Variants in TENM4 observed in about 807,000 individuals in gnomAD.
TENM4 encodes the protein teneurin transmembrane protein 4.
Under a neutral mutation model 243.3 loss-of-function variants are expected in TENM4, and 82 were observed. That is an observed-to-expected ratio of 0.34 (90% CI 0.28 to 0.40). TENM4 has a LOEUF of 0.40. TENM4 is among the 10% of genes least tolerant of loss of function. The pLI is 1.00. For missense variants in TENM4, 3,138 were observed against 3,673.3 expected (o/e 0.85, Z 3.77); for synonymous variants, 1,412 against 1,456.3 (o/e 0.97, Z 0.69).
chr11:78,948,288 C>T (rs916036167), intron 6 of TENM4, among the ~76,000 whole-genome samples: 2 of 152,126 alleles, frequency 1.3e-5, no homozygotes, highest in African/African-American at 4.8e-5. Context: ...ATCATCTAAC[C>T]ACAATATGAC....
At chr11:79,135,739 C>T (rs1160192949) in intron 4 of TENM4, among the ~76,000 whole-genome samples, 2 of 135,900 alleles carry the variant, frequency 1.5e-5, no homozygotes, top group African/African-American at 5.4e-5. Flanking sequence ...ATGATATATA[C>T]ATCATATATA....
At chr11:79,317,742 T>C (rs1208240923) in intron 1 of TENM4, among the ~76,000 whole-genome samples, 1 of 152,114 alleles carries the variant, frequency 6.6e-6, no homozygotes, top group Non-Finnish European at 1.5e-5. Context: ...TGAACTGCCT[T>C]TCTGCCTTAG....
chr11:79,264,489 C>A (rs1010091135), intron 2 of TENM4, among the ~76,000 whole-genome samples: 5 of 152,128 alleles, frequency 3.3e-5, no homozygotes, highest in African/African-American at 1.2e-4. Context: ...AACGGATTCC[C>A]GTCCCCCTGC....
chr11:78,685,486 TC>T, intron 29 of TENM4, among the ~76,000 whole-genome samples: 1 of 152,340 alleles, frequency 6.6e-6, no homozygotes, highest in Middle Eastern at 3.4e-3. Flanking sequence ...AAGTGATTTT[TC>T]TTTTCATATT....
intron 6 of TENM4, among the ~76,000 whole-genome samples, chr11:78,966,212 G>T (rs1031412733): frequency 1.5e-5 from 2 of 132,712 alleles, no homozygotes; most frequent in African/African-American, 5.6e-5. Flanking sequence ...AAAAAAAAAA[G>T]AAAGAAAAGA....
chr11:78,716,491 T>G (rs1354084508), intron 25 of TENM4, among the ~76,000 whole-genome samples: 1 of 152,226 alleles, frequency 6.6e-6, no homozygotes, highest in Non-Finnish European at 1.5e-5. Context: ...TGAACTGGGC[T>G]GATGCAGAAT....
At chr11:78,833,077 TC>T (rs1292901456) in intron 12 of TENM4, among the ~76,000 whole-genome samples, 1 of 152,204 alleles carries the variant, frequency 6.6e-6, no homozygotes, top group Non-Finnish European at 1.5e-5. Context: ...TACCGCTGCC[TC>T]CAATGCACAT....
chr11:79,215,372 G>A (rs953415827), intron 3 of TENM4, among the ~76,000 whole-genome samples: 1 of 152,120 alleles, frequency 6.6e-6, no homozygotes, highest in Non-Finnish European at 1.5e-5. Context: ...TCCCCACTGT[G>A]CCTCTGATCT....
At chr11:78,723,066 C>A (rs76368382) in intron 23 of TENM4, 149 bp from the exon 24 acceptor site, 11 of 1,014,602 alleles carry the variant, frequency 1.1e-5, no homozygotes, top group South Asian at 3.3e-5. Flanking sequence ...GCCTCACCCC[C>A]CCAATGGAAC....
At chr11:78,894,974 G>A (rs577170014) in intron 7 of TENM4, among the ~76,000 whole-genome samples, 6 of 100,292 alleles carry the variant, frequency 6.0e-5, no homozygotes, top group South Asian at 3.7e-4. Context: ...AACGAGACTC[G>A]GCCTTAAAAA....
At chr11:79,213,847 T>C (rs996336494) in intron 3 of TENM4, among the ~76,000 whole-genome samples, 3 of 152,310 alleles carry the variant, frequency 2.0e-5, no homozygotes, top group Admixed American at 1.3e-4. Flanking sequence ...TGAGTGAGCA[T>C]TGGTTTTCTT....
chr11:79,395,474 C>G (rs1459020210), intron 1 of TENM4, among the ~76,000 whole-genome samples: 11 of 152,168 alleles, frequency 7.2e-5, no homozygotes, highest in Non-Finnish European at 8.8e-5. Context: ...CTGAAGAGGA[C>G]CGGGCATACA....
At chr11:78,990,640 A>G (rs1305148112) in intron 6 of TENM4, among the ~76,000 whole-genome samples, 1 of 152,214 alleles carries the variant, frequency 6.6e-6, no homozygotes, top group Non-Finnish European at 1.5e-5. Flanking sequence ...GAGTACACAA[A>G]CACACAGATA....
intron 2 of TENM4, among the ~76,000 whole-genome samples, chr11:79,292,710 A>T (rs764222256): frequency 8.5e-5 from 13 of 152,252 alleles, no homozygotes; most frequent in Admixed American, 7.2e-4. Flanking sequence ...CATGTCAGTC[A>T]AGCTGGGTCC....
At chr11:79,233,116 G>A (rs145515181) in intron 2 of TENM4, among the ~76,000 whole-genome samples, 3 of 152,152 alleles carry the variant, frequency 2.0e-5, no homozygotes, top group Non-Finnish European at 2.9e-5. Flanking sequence ...AGAAGCCTCC[G>A]CTGAGGCTGC....
intron 2 of TENM4, among the ~76,000 whole-genome samples, chr11:79,221,482 ACACAAACT>A (rs1332916226): frequency 6.6e-6 from 1 of 151,744 alleles, no homozygotes; most frequent in Non-Finnish European, 1.5e-5. Flanking sequence ...CCACACCCAC[ACACAAACT>A]CACCGAGAAA....
intron 2 of TENM4, among the ~76,000 whole-genome samples, chr11:79,245,707 A>T (rs1855498774): frequency 6.6e-6 from 1 of 152,166 alleles, no homozygotes; most frequent in Admixed American, 6.5e-5. Context: ...TGGGAGGCTG[A>T]GGTGGGCAGA....
At chr11:79,108,059 G>A (rs1861415942) in intron 4 of TENM4, among the ~76,000 whole-genome samples, 1 of 152,332 alleles carries the variant, frequency 6.6e-6, no homozygotes. Flanking sequence ...TAGTCTTGAA[G>A]TTGTCTCCCT....
intron 2 of TENM4, among the ~76,000 whole-genome samples, chr11:79,267,293 C>T (rs17137979): frequency 0.067 from 10,196 of 152,278 alleles, 645 homozygotes; most frequent in African/African-American, 0.16. Context: ...CTCCATATGT[C>T]TACTCTTGAC....
Sources: allele counts gnomAD v4.1 joint callset (sites outside exome capture counted in the v4.1 genomes callset), GRCh38; gene constraint gnomAD v4.1.1; transcripts MANE v1.5; gene names NCBI Gene and HGNC (gene_info 2026-07-23, HGNC 2026-07-21).